The following ITSN1 variants were observed in gnomAD, a reference collection of about 807,000 sequenced individuals.
The protein encoded by ITSN1 is intersectin-1.
ITSN1 carries 58 observed loss-of-function variants against 239.8 expected under a neutral mutation model. That is an observed-to-expected ratio of 0.24 (90% CI 0.20 to 0.30). The LOEUF (loss-of-function observed/expected upper bound fraction) is 0.30. ITSN1 is among the 10% of genes least tolerant of loss of function. The pLI is 1.00. For missense variants in ITSN1, 1,558 were observed against 2,103.3 expected (o/e 0.74, Z 5.07); for synonymous variants, 780 against 770.8 (o/e 1.01, Z -0.20).
chr21:33,696,806 A>G (rs1006047136), intron 1 of ITSN1, among the ~76,000 whole-genome samples: 1 of 152,120 alleles, frequency 6.6e-6, no homozygotes, highest in African/African-American at 2.4e-5. Context: ...ATATCTCTCA[A>G]ACTTTTCTCT....
At chr21:33,755,442 T>A (rs1337019826) in intron 8 of ITSN1, 45 bp downstream of exon 8, 1 of 1,054,318 alleles carries the variant, frequency 9.5e-7, no homozygotes, top group Non-Finnish European at 1.4e-6. Context: ...TTGTTTTCAA[T>A]GTAAACTGTT....
intron 1 of ITSN1, among the ~76,000 whole-genome samples, chr21:33,717,368 T>C (rs1317175560): frequency 6.6e-6 from 1 of 151,658 alleles, no homozygotes; most frequent in Admixed American, 6.6e-5. Flanking sequence ...GGCTAATTTT[T>C]GTATTTTTAC....
chr21:33,753,240 A>G (rs2067676746), intron 7 of ITSN1, among the ~76,000 whole-genome samples: 1 of 152,148 alleles, frequency 6.6e-6, no homozygotes, highest in Non-Finnish European at 1.5e-5. Flanking sequence ...GTTCCATTTA[A>G]TTGCGGTTTT....
chr21:33,764,405 C>T (rs1003960605), intron 9 of ITSN1, among the ~76,000 whole-genome samples: 3 of 152,092 alleles, frequency 2.0e-5, no homozygotes, highest in East Asian at 1.9e-4. Context: ...TAAGGAAGAG[C>T]GGGCAGGGGT....
chr21:33,748,740 C>T (rs1171074132), intron 5 of ITSN1, among the ~76,000 whole-genome samples: 1 of 151,002 alleles, frequency 6.6e-6, no homozygotes, highest in Non-Finnish European at 1.5e-5. Context: ...GGATGCACAC[C>T]TGTGGTTCCA....
chr21:33,670,082 C>T (rs1219536005), intron 1 of ITSN1, among the ~76,000 whole-genome samples: 1 of 152,114 alleles, frequency 6.6e-6, no homozygotes, highest in Non-Finnish European at 1.5e-5. Flanking sequence ...AACTGAGAGG[C>T]CAGGTGCCGT....
At chr21:33,705,742 A>G (rs993746551) in intron 1 of ITSN1, among the ~76,000 whole-genome samples, 1 of 152,126 alleles carries the variant, frequency 6.6e-6, no homozygotes, top group African/African-American at 2.4e-5. Flanking sequence ...AATTTTGCTT[A>G]ATCTAAAATA....
intron 31 of ITSN1, among the ~76,000 whole-genome samples, chr21:33,861,806 C>T (rs763771489): frequency 6.6e-5 from 10 of 151,728 alleles, no homozygotes; most frequent in Non-Finnish European, 1.5e-4. Flanking sequence ...AATAGCCAGG[C>T]GTGGTGGCGG....
chr21:33,712,222 A>G (rs1293885554), intron 1 of ITSN1, among the ~76,000 whole-genome samples: 5 of 151,200 alleles, frequency 3.3e-5, no homozygotes, highest in African/African-American at 1.2e-4. Flanking sequence ...AGATTTTCCT[A>G]CTTCTTTGTA....
In ITSN1 at chr21:33,793,602, T is replaced by G. The variant is rs536090708; in HGVS notation, c.1825-739T>G. ...ACTTTAAATATCATAGAATGCATTT[T>G]ATTTTCAGTAGCCTGCTAAGGAAAT... On this transcript the variant is annotated intron_variant, in intron 16 of 39. Transcript: ENST00000381318. 3.3e-5 allele frequency among the ~76,000 whole-genome samples: 5 copies of G among 152,350 alleles called. No homozygotes were observed. The East Asian group carries it at 7.7e-4, about 23-fold the overall frequency.
intron 39 of ITSN1, 125 bp downstream of exon 39, chr21:33,886,585 G>C (rs770757799): frequency 5.3e-5 from 45 of 846,630 alleles, no homozygotes; most frequent in Middle Eastern, 7.3e-4. Flanking sequence ...AGATGAGGCT[G>C]GCTGGCACAA....
chr21:33,841,436 T>C (rs1370528671), intron 29 of ITSN1, among the ~76,000 whole-genome samples: 1 of 152,158 alleles, frequency 6.6e-6, no homozygotes, highest in East Asian at 1.9e-4. Context: ...AACCGGTGAC[T>C]ATAGAAAACA....
At chr21:33,792,889 TTC>T (rs2071253872) in intron 16 of ITSN1, among the ~76,000 whole-genome samples, 1 of 151,998 alleles carries the variant, frequency 6.6e-6, no homozygotes, top group Non-Finnish European at 1.5e-5. Flanking sequence ...TTTTTCCTCC[TTC>T]CCCCTTCCTT....
Position 33,828,337 on chromosome 21 carries a change from G to T in ITSN1, c.3230-1287G>T, listed in dbSNP as rs536897873. On this transcript the variant is annotated intron_variant, in intron 26 of 39. Transcript: ENST00000381318. ...TCCTCATCCCAGCGTAGACATCCCA[G>T]CTGGAGCTCCCAGTCAGAGCCTAGG... Among the ~76,000 whole-genome samples, 4 of 152,346 alleles carry T rather than the reference G, an allele frequency of 2.6e-5. No homozygotes were observed. The South Asian group carries it at 8.3e-4, about 32-fold the overall frequency.
chr21:33,778,928 C>T (rs1382702442), intron 14 of ITSN1, among the ~76,000 whole-genome samples: 1 of 152,096 alleles, frequency 6.6e-6, no homozygotes, highest in South Asian at 2.1e-4. Context: ...AGTGATGTCT[C>T]TTCTTTCTTT....
chr21:33,802,227 T>C (rs1280911150), intron 19 of ITSN1, among the ~76,000 whole-genome samples: 1 of 152,204 alleles, frequency 6.6e-6, no homozygotes, highest in Non-Finnish European at 1.5e-5. Flanking sequence ...GTGATCTGTA[T>C]CTTAATGAGA....
At chr21:33,749,537 G>C (rs1281976213) in intron 5 of ITSN1, among the ~76,000 whole-genome samples, 1 of 151,876 alleles carries the variant, frequency 6.6e-6, no homozygotes, top group Non-Finnish European at 1.5e-5. Context: ...AGCTATTCAG[G>C]AGACTGAGGC....
In ITSN1 at chr21:33,895,797, ATACGTTGCTCC is replaced by A. The variant is rs1986744490; in HGVS notation, c.*7498_*7508del. 6.6e-6 allele frequency: 1 copy of A among 152,252 alleles called. No homozygotes were observed. The highest frequency in any genetic ancestry group is 2.4e-5 in the African/African-American group (1 of 41,430). 9.4% of individuals were successfully genotyped at this position (152,252 alleles called of 1,614,324 possible). The stretch of plus-strand genomic sequence containing the variant: ...TGTGCCTTGGAGAGGGAAACAGGAA[ATACGTTGCTCC>A]ACAGTCCTGTCATCCTGGTCAGGAC... On this transcript the variant is annotated 3_prime_UTR_variant, in exon 40 of 40. Coordinates refer to ENST00000381318, the MANE Select transcript of ITSN1 (RefSeq NM_003024.3).
intron 1 of ITSN1, among the ~76,000 whole-genome samples, chr21:33,651,996 A>G (rs2088579268): frequency 6.6e-6 from 1 of 152,252 alleles, no homozygotes. Context: ...CAAAAGGAAT[A>G]CATGTTTATT....
Sources: allele counts gnomAD v4.1 joint callset (sites outside exome capture counted in the v4.1 genomes callset), GRCh38; gene constraint gnomAD v4.1.1; transcripts MANE v1.5; gene names NCBI Gene and HGNC (gene_info 2026-07-23, HGNC 2026-07-21).